The following NR2E1 variants were observed in gnomAD, a reference collection of about 807,000 sequenced individuals.
NR2E1 encodes the protein nuclear receptor TLX.
Under a neutral mutation model 43.6 loss-of-function variants are expected in NR2E1, and 5 were observed. The observed-to-expected ratio is 0.11, with a 90% CI of 0.06 to 0.24. The LOEUF is 0.24. Among genes scored for constraint, NR2E1 ranks in the 10% least tolerant of loss-of-function variants. NR2E1 has a pLI of 1.00. For missense variants in NR2E1, 287 were observed against 496.7 expected (o/e 0.58, Z 4.01); for synonymous variants, 191 against 195.5 (o/e 0.98, Z 0.19).
In NR2E1 at chr6:108,169,984, T is replaced by G. The variant is rs1269848051; in HGVS notation, c.26-1474T>G. Among the ~76,000 whole-genome samples the G allele has an allele frequency of 2.9e-5, 3 of 102,454 alleles. No homozygotes were observed. Among genetic ancestry groups the G allele is most frequent in the Non-Finnish European group, 4.0e-5 (2 of 49,546 alleles). The allele number at this position is 102,454 out of a possible 152,430, so 67.2% of individuals were successfully genotyped here. A position where few individuals can be genotyped will look rare whatever the true frequency, so the allele number is the denominator to read the frequency against. On this transcript the variant is annotated intron_variant, in intron 1 of 8. Transcript: ENST00000368986. The surrounding 1 kb of genome is among the most constrained non-coding windows in gnomAD (Gnocchi z 6.1). The stretch of plus-strand genomic sequence containing the variant: ...CCAAGCACGGTCCCCCGCGCTCTCC[T>G]TCCCCCACCCCCTCCACCTGAGACG...
Position 108,187,614 on chromosome 6 carries a change from C to T in NR2E1, c.*151C>T. On this transcript the variant is annotated 3_prime_UTR_variant, in exon 9 of 9. Transcript: ENST00000368986. Reference sequence around the variant, plus strand: ...AAATGCCAATTGACACAAAGCATTCCAGTAGCTATGACCTGCCGCCCTGAC... The same window carrying T: ...AAATGCCAATTGACACAAAGCATTCTAGTAGCTATGACCTGCCGCCCTGAC... 4 of 856,160 alleles carry T rather than the reference C, an allele frequency of 4.7e-6. No homozygotes were observed. Among genetic ancestry groups the T allele is most frequent in the Non-Finnish European group, 5.7e-6 (3 of 524,616 alleles). 53.0% of individuals were successfully genotyped at this position (856,160 alleles called of 1,614,324 possible). A position where few individuals can be genotyped will look rare whatever the true frequency, so the allele number is the denominator to read the frequency against.
intron 7 of NR2E1, 65 bp from the exon 8 acceptor site, chr6:108,181,481 C>T (rs1447922848): frequency 1.5e-5 from 20 of 1,368,214 alleles, no homozygotes; most frequent in Non-Finnish European, 2.1e-5. Context: ...GGCGTGAGCA[C>T]TGCGCTCGGC....
chr6:108,187,745 C>T lies in NR2E1; in HGVS notation c.*282C>T, dbSNP rs1354095958. ...GGGCAAACTGGGGGTTGCCACAGGC[C>T]GTGCCATTCTGCCTCTTACCTGGAA... On this transcript the variant is annotated 3_prime_UTR_variant, in exon 9 of 9. Coordinates refer to ENST00000368986, the MANE Select transcript of NR2E1 (RefSeq NM_003269.5). The T allele has an allele frequency of 2.1e-5, 9 of 434,942 alleles. No individual in the cohort carries two copies. The highest frequency in any genetic ancestry group is 1.2e-4 in the African/African-American group (6 of 49,896). The allele number at this position is 434,942 out of a possible 1,614,324, so 26.9% of individuals were successfully genotyped here.
chr6:108,177,895 C>G (rs1430787484), intron 4 of NR2E1, among the ~76,000 whole-genome samples, 200 bp from the exon 5 acceptor site: 2 of 152,190 alleles, frequency 1.3e-5, no homozygotes, highest in African/African-American at 4.8e-5. Flanking sequence ...ATGGACCTCC[C>G]CCAACCAGTA....
chr6:108,179,493 T>TGA (rs1773951534), intron 5 of NR2E1, among the ~76,000 whole-genome samples: 1 of 12,268 alleles, frequency 8.2e-5, no homozygotes, highest in East Asian at 9.3e-4. Flanking sequence ...AACCACTTCC[T>TGA]GTGTGTGTGT....
At chr6:108,172,048 G>A (rs1237201578) in intron 2 of NR2E1, among the ~76,000 whole-genome samples, 3 of 152,164 alleles carry the variant, frequency 2.0e-5, no homozygotes, top group Admixed American at 2.0e-4. Context: ...CACTTGCCTG[G>A]GATGCAGAAG....
At position 108,184,646 on chromosome 6, in the gene NR2E1, AGGGGTCCT is replaced by A. The variant is rs140800018; in HGVS notation, c.996-2653_996-2646del. On this transcript the variant is annotated intron_variant, in intron 8 of 8. Transcript: ENST00000368986. ...TCCTGAGAGTGGTGGAGGAGCTGGTAGGGGTCCTGTGGGAAGTGCCAGAGAGGTGAGTG... is the reference window on the plus strand; with the variant it reads ...TCCTGAGAGTGGTGGAGGAGCTGGTAGTGGGAAGTGCCAGAGAGGTGAGTG... Among the ~76,000 whole-genome samples the A allele has an allele frequency of 7.7e-3, 1,179 of 152,226 alleles. 23 individuals carry two copies. The highest frequency in any genetic ancestry group is 0.026 in the African/African-American group (1,086 of 41,540).
intron 2 of NR2E1, among the ~76,000 whole-genome samples, chr6:108,174,513 C>A (rs1001506670): frequency 1.3e-5 from 2 of 152,078 alleles, no homozygotes; most frequent in African/African-American, 4.8e-5. Context: ...GGAAGTTCCC[C>A]TAGCGAGAGC....
intron 8 of NR2E1, among the ~76,000 whole-genome samples, chr6:108,181,964 A>G (rs1365273594): frequency 6.6e-6 from 1 of 152,296 alleles, no homozygotes; most frequent in South Asian, 2.1e-4. Context: ...TAGGCTGGGC[A>G]CAGTGGCTCA....
intron 2 of NR2E1, among the ~76,000 whole-genome samples, chr6:108,174,230 T>G (rs1288157652): frequency 6.6e-6 from 1 of 152,186 alleles, no homozygotes; most frequent in Non-Finnish European, 1.5e-5. Flanking sequence ...TAAGGTTGGC[T>G]TCATACAAAA....
rs1387727244 is a variant in NR2E1, at chr6:108,166,855, T to A, written c.25+65T>A. ...GCCTGGGGCGAGCGAGCGGGGAGGC[T>A]GGGGGAGGTCCTGCCTGGAGCGCTG... On this transcript the variant is annotated intron_variant, in intron 1 of 8. Coordinates refer to ENST00000368986, the MANE Select transcript of NR2E1 (RefSeq NM_003269.5). This position sits in a 1 kb window ranked among gnomAD's most constrained non-coding sequence, Gnocchi z 7.2. The A allele has an allele frequency of 3.3e-6, 5 of 1,496,456 alleles. No individual in the cohort carries two copies. 92.7% of individuals were successfully genotyped at this position (1,496,456 alleles called of 1,614,324 possible).
intron 4 of NR2E1, among the ~76,000 whole-genome samples, chr6:108,177,333 A>C (rs1225914539): frequency 6.6e-6 from 1 of 152,234 alleles, no homozygotes; most frequent in African/African-American, 2.4e-5. Flanking sequence ...GATTTACAGC[A>C]GGGTTGATTC....
In NR2E1 at chr6:108,181,566, G is replaced by A; in HGVS notation, c.910G>A (p.Glu304Lys). Residue 304 changes from glutamate to lysine, a missense_variant, in exon 8 of 9, where the codon GAA (glutamate) becomes AAA (lysine). By Grantham distance (56) the Glu-to-Lys change is moderately conservative (BLOSUM62 1). Around this residue, in one of 4 missense-constraint regions of NR2E1, gnomAD observed 119 missense variants for 187.0 expected, o/e 0.64. Coordinates refer to ENST00000368986, the MANE Select transcript of NR2E1 (RefSeq NM_003269.5). ...FKAVPTHSGS[E>K]LRSFRNAAAI... ...TCTAGTTCCTACACATAGTGGTTCT[G>A]AACTGAGAAGTTTCCGGAATGCTGC... 7.4e-6 allele frequency: 12 copies of A among 1,614,092 alleles called. No individual in the cohort carries two copies. The highest frequency in any genetic ancestry group is 1.0e-5 in the Non-Finnish European group (12 of 1,179,964).
chr6:108,173,728 AT>A (rs1773850466), intron 2 of NR2E1, among the ~76,000 whole-genome samples: 2 of 152,248 alleles, frequency 1.3e-5, no homozygotes, highest in Admixed American at 6.5e-5. Context: ...ACTTCTATAA[AT>A]ATAGGAGAGC....
intron 2 of NR2E1, among the ~76,000 whole-genome samples, chr6:108,173,134 G>C (rs1299291268): frequency 6.6e-6 from 1 of 152,186 alleles, no homozygotes; most frequent in African/African-American, 2.4e-5. Context: ...ATCAGGCCTG[G>C]TGTTCTTCTT....
intron 5 of NR2E1, among the ~76,000 whole-genome samples, chr6:108,179,492 C>CTGTGTGTGTGTG (rs34907033): frequency 1.6e-3 from 205 of 131,426 alleles, no homozygotes; most frequent in African/African-American, 3.9e-3. Flanking sequence ...TAACCACTTC[C>CTGTGTGTGTGTG]TGTGTGTGTG....
At chr6:108,187,173 G>C in intron 8 of NR2E1, 128 bp from the exon 9 acceptor site, 1 of 1,122,728 alleles carries the variant, frequency 8.9e-7, no homozygotes. Context: ...GAACTTTGCT[G>C]CAGGGATACT....
chr6:108,168,529 C>A (rs1333657444), intron 1 of NR2E1, among the ~76,000 whole-genome samples: 1 of 152,350 alleles, frequency 6.6e-6, no homozygotes, highest in Non-Finnish European at 1.5e-5. Context: ...GGGCTCCTTG[C>A]GGAAACTTTG....
Position 108,171,591 on chromosome 6 carries a change from A to G in NR2E1, c.159A>G (p.Lys53=). 1 of 1,614,074 alleles carries G rather than the reference A, an allele frequency of 6.2e-7. No individual in the cohort carries two copies. The highest frequency in any genetic ancestry group is 1.1e-5 in the South Asian group (1 of 91,082). Residue 53 remains lysine, a synonymous_variant, in exon 2 of 9, where the codon AAA becomes AAG. Coordinates refer to ENST00000368986, the MANE Select transcript of NR2E1 (RefSeq NM_003269.5). ...GAAGGAATAGGACCTATGTCTGCAA[A>G]TCTGGAAACCAGGTACCTTAGCCAG... The part of the protein sequence containing the change: ...SIRRNRTYVC[K]SGNQGGCPVD...
Sources: gnomAD v4.1 joint callset for allele counts (sites outside exome capture counted in the v4.1 genomes callset) on GRCh38, gnomAD v4.1.1 for gene constraint, gnomAD v4.1.1 regional missense constraint, Gnocchi (gnomAD v3.1) non-coding constraint, MANE v1.5 for transcripts, NCBI Gene and HGNC (gene_info 2026-07-23, HGNC 2026-07-21) for gene names.